CC2D2A: variants seen among roughly 807,000 people sequenced by gnomAD.
CC2D2A encodes coiled-coil and C2 domain containing 2A.
A neutral mutation model predicts 212.9 loss-of-function variants in CC2D2A; 155 were observed. That is an observed-to-expected ratio of 0.73 (90% CI 0.64 to 0.83). The LOEUF is 0.83. CC2D2A is among the 40% of genes least tolerant of loss of function. The pLI, the probability that CC2D2A is intolerant of heterozygous loss-of-function variation, is 0.00. For missense variants in CC2D2A, 1,856 were observed against 1,956.2 expected (o/e 0.95, Z 0.97); for synonymous variants, 667 against 686.5 (o/e 0.97, Z 0.44).
chr4:15,550,958 G>A lies in CC2D2A; in HGVS notation c.2316G>A (p.Leu772=). The A allele has an allele frequency of 6.3e-7, 1 of 1,597,594 alleles. No homozygotes were observed. Among genetic ancestry groups the A allele is most frequent in the Non-Finnish European group, 8.6e-7 (1 of 1,167,380 alleles). Residue 772 remains leucine (L), a synonymous_variant, in exon 18 of 37, where the codon CTG becomes CTA. Coordinates refer to ENST00000424120, the MANE Select transcript of CC2D2A (RefSeq NM_001378615.1). ...TTAGCAGTAATCAGCATGTGACACT[G>A]GACCACGAGGGAGTTGGAAGTGGTA... ...VEFSSNQHVT[L]DHEGVGSGVP... is the part of the protein sequence containing the mutation.
intron 14 of CC2D2A, among the ~76,000 whole-genome samples, chr4:15,534,029 T>C (rs1717991019): frequency 6.6e-6 from 1 of 152,228 alleles, no homozygotes; most frequent in African/African-American, 2.4e-5. Context: ...ATTAACATTT[T>C]GCTGACCTGC....
intron 1 of CC2D2A, among the ~76,000 whole-genome samples, chr4:15,475,228 C>T (rs901460144): frequency 1.3e-5 from 2 of 152,166 alleles, no homozygotes; most frequent in South Asian, 2.1e-4. Context: ...GAGCCGAGAT[C>T]GTGCCACTGT....
At chr4:15,587,298 T>A (rs935869907) in intron 31 of CC2D2A, among the ~76,000 whole-genome samples, 1 of 152,194 alleles carries the variant, frequency 6.6e-6, no homozygotes, top group African/African-American at 2.4e-5. Flanking sequence ...GCTACTCACC[T>A]CCTGCTGTGC....
intron 4 of CC2D2A, chr4:15,482,176 C>A: frequency 1.0e-6 from 1 of 985,408 alleles, no homozygotes; most frequent in Non-Finnish European, 1.2e-6. Flanking sequence ...AGCAAGTAGA[C>A]TCTTAGATTG....
Position 15,550,017 on chromosome 4 carries a change from C to T in CC2D2A, c.2182-807C>T, listed in dbSNP as rs371161620. ...AAACCAGTCACAGAGACCTCATGTA[C>T]AGAAAGAATAAAACACAGGAAAGAA... is the stretch of plus-strand genomic sequence containing the variant. On this transcript the variant is annotated intron_variant, in intron 17 of 36. Coordinates refer to ENST00000424120, the MANE Select transcript of CC2D2A (RefSeq NM_001378615.1). Among the ~76,000 whole-genome samples the T allele has an allele frequency of 3.0e-4, 45 of 152,224 alleles. No individual in the cohort carries two copies. In the South Asian group the frequency reaches 3.3e-3, roughly 11 times the overall value.
intron 27 of CC2D2A, 95 bp from the exon 28 acceptor site, chr4:15,570,303 C>T (rs1720097153): frequency 2.8e-6 from 2 of 707,062 alleles, no homozygotes; most frequent in Non-Finnish European, 4.8e-6. Context: ...AGTTCATATG[C>T]TTTCAGCTAA....
chr4:15,596,133 G>A lies in CC2D2A; in HGVS notation c.4363G>A (p.Asp1455Asn). The A allele has an allele frequency of 6.5e-7, 1 of 1,549,438 alleles. No homozygotes were observed. The highest frequency in any genetic ancestry group is 8.7e-7 in the Non-Finnish European group (1 of 1,145,900). Residue 1455 changes from aspartate (D) to asparagine (N), a missense_variant, in exon 34 of 37, where the codon GAT (aspartate) becomes AAT (asparagine). Physicochemically the swap from Asp to Asn is conservative, Grantham distance 23. This residue lies in a region of CC2D2A where 285 missense variants were observed against 278.4 expected (regional missense o/e 1.02). Coordinates refer to ENST00000424120, the MANE Select transcript of CC2D2A (RefSeq NM_001378615.1). ...TGAATCTCCACTAAGGATAAATTTT[G>A]ATGTCACCAGGCCCAAGCTATGGAA... ...RYESPLRINFDVTRPKLWKSF... is the reference protein window; with the variant it reads ...RYESPLRINFNVTRPKLWKSF...
At chr4:15,524,735 G>A (rs1363962348) in intron 11 of CC2D2A, among the ~76,000 whole-genome samples, 1 of 152,228 alleles carries the variant, frequency 6.6e-6, no homozygotes, top group Non-Finnish European at 1.5e-5. Flanking sequence ...ACAGGCGTGA[G>A]CCACCGCACC....
At chr4:15,520,833 G>A (rs1029695332) in intron 11 of CC2D2A, among the ~76,000 whole-genome samples, 1 of 152,166 alleles carries the variant, frequency 6.6e-6, no homozygotes, top group Non-Finnish European at 1.5e-5. Context: ...AGACAGGACA[G>A]CTAGGGGCCA....
At position 15,601,418 on chromosome 4, in the gene CC2D2A, A is replaced by T. The variant is rs1721595040; in HGVS notation, c.4856A>T (p.Asn1619Ile). ...ATCTATGTTGCCTCTCTTATACGCA[A>T]CAGGTAATTTTTTTCACTGTACTTT... ...VWIYVASLIR[N>I]R The change falls in exon 37 of 37, where the codon AAC becomes ATC. Residue 1619 changes from asparagine (N) to isoleucine (I), a missense_variant. By Grantham distance (149) the Asn-to-Ile change is moderately radical. This residue lies in a region of CC2D2A where 285 missense variants were observed against 278.4 expected (regional missense o/e 1.02). Transcript: ENST00000424120. The T allele has an allele frequency of 1.4e-6, 2 of 1,473,752 alleles. No homozygotes were observed. The highest frequency in any genetic ancestry group is 3.0e-5 in the South Asian group (2 of 66,526). 91.3% of individuals were successfully genotyped at this position (1,473,752 alleles called of 1,614,324 possible). A position where few individuals can be genotyped will look rare whatever the true frequency, so the allele number is the denominator to read the frequency against.
chr4:15,557,945 G>A (rs1344303519), intron 21 of CC2D2A, among the ~76,000 whole-genome samples: 1 of 152,162 alleles, frequency 6.6e-6, no homozygotes, highest in Non-Finnish European at 1.5e-5. Context: ...AGAGGGATAG[G>A]ATCTGAATAG....
intron 1 of CC2D2A, among the ~76,000 whole-genome samples, chr4:15,471,119 AGGGAAACTGC>A (rs1395613636): frequency 7.9e-5 from 12 of 152,290 alleles, no homozygotes; most frequent in Non-Finnish European, 1.2e-4. Flanking sequence ...CCTTATGCTA[AGGGAAACTGC>A]AGCTGGAATA....
In CC2D2A at chr4:15,550,918, C is replaced by T. The variant is rs1718963981; in HGVS notation, c.2276C>T (p.Thr759Ile). ...ETTVVTGRAP[T>I]EEVEFSSNQH... ...ACTGTTGTCACTGGAAGGGCTCCTA[C>T]TGAAGAAGTGGAGTTTAGCAGTAAT... is the stretch of plus-strand genomic sequence containing the variant. The change falls in exon 18 of 37, where the codon ACT becomes ATT. Residue 759 changes from threonine (T) to isoleucine (I), a missense_variant. Thr to Ile is a moderately conservative substitution (Grantham distance 89). Transcript: ENST00000424120. The T allele has an allele frequency of 6.2e-7, 1 of 1,609,572 alleles. No individual in the cohort carries two copies. The highest frequency in any genetic ancestry group is 8.5e-7 in the Non-Finnish European group (1 of 1,176,388).
chr4:15,587,972 C>CGAT (rs757011917), intron 32 of CC2D2A, 43 bp downstream of exon 32: 1 of 1,102,160 alleles, frequency 9.1e-7, no homozygotes, highest in Non-Finnish European at 1.4e-6. Context: ...GTATAGTTGT[C>CGAT]TAATCGAGTT....
At chr4:15,503,774 A>C (rs1716105396) in intron 6 of CC2D2A, among the ~76,000 whole-genome samples, 1 of 152,176 alleles carries the variant, frequency 6.6e-6, no homozygotes, top group Admixed American at 6.5e-5. Context: ...GAATCTCAAT[A>C]TGTGTTCCTC....
At chr4:15,539,442 A>T (rs1422230141) in intron 16 of CC2D2A, among the ~76,000 whole-genome samples, 1 of 152,216 alleles carries the variant, frequency 6.6e-6, no homozygotes, top group Non-Finnish European at 1.5e-5. Context: ...GAATTCAAAT[A>T]AAGTCAGTCA....
In CC2D2A at chr4:15,559,165, G is replaced by A; in HGVS notation, c.2830G>A (p.Asp944Asn). The A allele has an allele frequency of 6.5e-7, 1 of 1,536,972 alleles. No individual in the cohort carries two copies. The highest frequency in any genetic ancestry group is 8.8e-7 in the Non-Finnish European group (1 of 1,138,022). ...DREIMEKVFQ[D>N]YEKRLRDRNV... ...AATCATTGCCTCTTTTTAATTTTAG[G>A]ACTATGAGAAACGGTTACGAGACAG... Residue 944 changes from aspartate to asparagine, a missense_variant and splice_region_variant, in exon 22 of 37, where the codon GAC becomes AAC. Asp to Asn is a conservative substitution (Grantham distance 23, BLOSUM62 1). Coordinates refer to ENST00000424120, the MANE Select transcript of CC2D2A (RefSeq NM_001378615.1).
chr4:15,491,112 A>G (rs1715282504), intron 4 of CC2D2A, among the ~76,000 whole-genome samples: 1 of 152,164 alleles, frequency 6.6e-6, no homozygotes, highest in African/African-American at 2.4e-5. Flanking sequence ...TTGTCCTGCT[A>G]CAATAGAATC....
chr4:15,476,071 T>C (rs1714193538), intron 2 of CC2D2A, 100 bp downstream of exon 2: 2 of 953,048 alleles, frequency 2.1e-6, no homozygotes, highest in Non-Finnish European at 3.2e-6. Context: ...CAGCATCTAT[T>C]GCACATGTTA....
Sources: allele counts gnomAD v4.1 joint callset (sites outside exome capture counted in the v4.1 genomes callset), GRCh38; gene constraint gnomAD v4.1.1; regional missense constraint gnomAD v4.1.1; transcripts MANE v1.5; gene names NCBI Gene and HGNC (gene_info 2026-07-23, HGNC 2026-07-21).